The following PPP2R2D variants were observed in gnomAD, a reference collection of about 807,000 sequenced individuals.
PPP2R2D encodes protein phosphatase 2 regulatory subunit Bdelta, also known as serine/threonine-protein phosphatase 2A 55 kDa regulatory subunit B delta isoform.
A neutral mutation model predicts 31.1 loss-of-function variants in PPP2R2D; 9 were observed. The ratio of observed to expected loss-of-function variants is 0.29; its 90% CI spans 0.17 to 0.51. PPP2R2D has a LOEUF of 0.51. Among genes scored for constraint, PPP2R2D ranks in the 20% least tolerant of loss-of-function variants. The pLI is 0.98. For synonymous variants in PPP2R2D, 179 were observed against 172.6 expected, an observed-to-expected ratio of 1.04 and a Z score of -0.29; for missense variants, 391 against 465.6, an observed-to-expected ratio of 0.84 and a Z score of 1.48.
At position 131,939,650 on chromosome 10, in the gene PPP2R2D, C is replaced by A. The variant is rs138589835; in HGVS notation, c.199-381C>A. ...ATACGGCAGGCTGCATTCAGCAGACCTGCTCCAGAAAACACAGCAGGCTAC... is the reference window on the plus strand; with the variant it reads ...ATACGGCAGGCTGCATTCAGCAGACATGCTCCAGAAAACACAGCAGGCTAC... On this transcript the variant is annotated intron_variant, in intron 3 of 8. Transcript: ENST00000455566. 1.6e-3 allele frequency: 251 copies of A among 155,052 alleles called. 16 individuals are homozygous for A. The highest frequency in any genetic ancestry group is 2.6e-3 in the Non-Finnish European group (183 of 70,978). 9.6% of individuals were successfully genotyped at this position (155,052 alleles called of 1,614,324 possible). A position where few individuals can be genotyped will look rare whatever the true frequency, so the allele number is the denominator to read the frequency against.
rs202169560 is a variant in PPP2R2D, at chr10:131,940,072, C to T, written c.240C>T (p.Tyr80=). The change falls in exon 4 of 9, where the codon TAC becomes TAT. Residue 80 remains tyrosine, a synonymous_variant. Coordinates refer to ENST00000455566, the MANE Select transcript of PPP2R2D (RefSeq NM_018461.5). ...RPHSRGEYNV[Y]STFQSHEPEF... is the part of the protein sequence containing the mutation. ...ATTCTAGGGGAGAATATAATGTTTA[C>T]AGCACCTTTCAAAGTCATGAACCGG... 3.9e-4 allele frequency: 306 copies of T among 776,140 alleles called. No homozygotes were observed. The highest frequency in any genetic ancestry group is 6.8e-4 in the Non-Finnish European group (282 of 416,604). The allele number at this position is 776,140 out of a possible 1,614,324, so 48.1% of individuals were successfully genotyped here. A position where few individuals can be genotyped will look rare whatever the true frequency, so the allele number is the denominator to read the frequency against.
In PPP2R2D at chr10:131,958,551, A is replaced by C. The variant is rs1263155720; in HGVS notation, c.*2588A>C. On this transcript the variant is annotated 3_prime_UTR_variant, in exon 9 of 9. Coordinates refer to ENST00000455566, the MANE Select transcript of PPP2R2D (RefSeq NM_018461.5). ...GTGCTGATCCCCCATCCCCCTGTGG[A>C]GATGAAGGGGTATGCTGATCCCCTG... The C allele has an allele frequency of 5.4e-6, 1 of 186,604 alleles. No individual in the cohort carries two copies. The highest frequency in any genetic ancestry group is 2.7e-5 in the African/African-American group (1 of 36,460). The allele number at this position is 186,604 out of a possible 1,614,324, so 11.6% of individuals were successfully genotyped here. A position where few individuals can be genotyped will look rare whatever the true frequency, so the allele number is the denominator to read the frequency against.
At chr10:131,907,202 T>A (rs1024158423) in intron 2 of PPP2R2D, among the ~76,000 whole-genome samples, 33 of 152,256 alleles carry the variant, frequency 2.2e-4, no homozygotes, top group African/African-American at 7.2e-4. Context: ...ATTTATATTT[T>A]TTTTTTGGTC....
chr10:131,938,262 A>G (rs1465402359), intron 3 of PPP2R2D, among the ~76,000 whole-genome samples: 1 of 152,250 alleles, frequency 6.6e-6, no homozygotes, highest in Non-Finnish European at 1.5e-5. Flanking sequence ...AAGTTCGTTT[A>G]GTTCCATTCC....
chr10:131,936,437 C>T (rs1301601655), intron 3 of PPP2R2D, among the ~76,000 whole-genome samples: 1 of 152,104 alleles, frequency 6.6e-6, no homozygotes, highest in Admixed American at 6.5e-5. Flanking sequence ...TGGGCCACCA[C>T]GCCTGGCCAG....
intron 2 of PPP2R2D, among the ~76,000 whole-genome samples, chr10:131,903,864 T>TG (rs1452820710): frequency 1.2e-4 from 19 of 152,314 alleles, no homozygotes; most frequent in African/African-American, 4.6e-4. Context: ...ATCAAGAAGC[T>TG]GGTCATGCCC....
chr10:131,912,323 G>C (rs2035698072), intron 2 of PPP2R2D: 2 of 152,216 alleles, frequency 1.3e-5, no homozygotes, highest in African/African-American at 4.8e-5. Context: ...TGAGTAGCTG[G>C]AACTATAGGC....
At chr10:131,916,410 C>T (rs144849630) in intron 2 of PPP2R2D, among the ~76,000 whole-genome samples, 49 of 151,718 alleles carry the variant, frequency 3.2e-4, no homozygotes, top group Non-Finnish European at 5.9e-4. Context: ...TCATTTTAGC[C>T]GTTCATAAGT....
chr10:131,958,469 C>A lies in PPP2R2D; in HGVS notation c.*2506C>A. On this transcript the variant is annotated 3_prime_UTR_variant, in exon 9 of 9. Transcript: ENST00000455566. Reference sequence around the variant, plus strand: ...GAAGGTGTGTGCTGATCCCCCATCCCCCTGTGGAGATGAAGGGGTATGCTG... The same window carrying A: ...GAAGGTGTGTGCTGATCCCCCATCCACCTGTGGAGATGAAGGGGTATGCTG... 1.0e-5 allele frequency: 2 copies of A among 191,510 alleles called. No individual in the cohort carries two copies. Among genetic ancestry groups the A allele is most frequent in the South Asian group, 1.3e-4 (2 of 14,876 alleles). 11.9% of individuals were successfully genotyped at this position (191,510 alleles called of 1,614,324 possible).
intron 2 of PPP2R2D, among the ~76,000 whole-genome samples, chr10:131,906,735 A>C (rs2119713801): frequency 6.6e-6 from 1 of 151,356 alleles, no homozygotes; most frequent in East Asian, 1.9e-4. Flanking sequence ...AGCCTGGGCA[A>C]CATAGTGAGA....
At chr10:131,925,305 T>G (rs971385712) in intron 2 of PPP2R2D, among the ~76,000 whole-genome samples, 2 of 152,346 alleles carry the variant, frequency 1.3e-5, no homozygotes, top group East Asian at 3.9e-4. Context: ...CTTTGTCAAG[T>G]TGAGGAAGTT....
At chr10:131,967,251 C>G in the PPP2R2D span, 1 of 152,222 alleles carries the variant, frequency 6.6e-6, no homozygotes, top group South Asian at 2.1e-4. Flanking sequence ...TGTGTGCTAA[C>G]TTTGATGGTG....
At chr10:131,916,901 A>G (rs1217384962) in intron 2 of PPP2R2D, among the ~76,000 whole-genome samples, 2 of 151,016 alleles carry the variant, frequency 1.3e-5, no homozygotes, top group African/African-American at 2.4e-5. Flanking sequence ...AGGTGGAATG[A>G]CACAACGTTT....
chr10:131,935,448 C>A (rs1763013848), intron 3 of PPP2R2D, among the ~76,000 whole-genome samples: 1 of 152,206 alleles, frequency 6.6e-6, no homozygotes, highest in African/African-American at 2.4e-5. Flanking sequence ...GGCCCTGGTT[C>A]CCCTCTCTGC....
intron 3 of PPP2R2D, among the ~76,000 whole-genome samples, chr10:131,939,001 G>C (rs1468825258): frequency 6.6e-6 from 1 of 152,268 alleles, no homozygotes; most frequent in African/African-American, 2.4e-5. Flanking sequence ...TACCCAGATG[G>C]TGCAGAAGCA....
rs557997362 is a variant in PPP2R2D at position 131,956,040 on chromosome 10, G to C, written c.*77G>C. On this transcript the variant is annotated 3_prime_UTR_variant, in exon 9 of 9. Transcript: ENST00000455566. ...TTTCTGTCAGAGAAAAGGCATCATT[G>C]TCCGCTCCATTAAGAACAGTGACGC... 4 of 1,359,996 alleles carry C rather than the reference G, an allele frequency of 2.9e-6. No homozygotes were observed. Among genetic ancestry groups the C allele is most frequent in the Non-Finnish European group, 3.8e-6 (4 of 1,049,840 alleles). 84.2% of individuals were successfully genotyped at this position (1,359,996 alleles called of 1,614,324 possible). A position where few individuals can be genotyped will look rare whatever the true frequency, so the allele number is the denominator to read the frequency against.
chr10:131,967,758 T>C, the PPP2R2D span: 3 of 152,562 alleles, frequency 2.0e-5, no homozygotes, highest in Non-Finnish European at 4.4e-5. Flanking sequence ...TTGCTTAGAA[T>C]AAAGCTGATT....
At chr10:131,908,787 C>T (rs1174521783) in intron 2 of PPP2R2D, among the ~76,000 whole-genome samples, 5 of 152,194 alleles carry the variant, frequency 3.3e-5, no homozygotes, top group African/African-American at 9.6e-5. Context: ...TCTTAAGAGA[C>T]CCTCTTGCAT....
At chr10:131,942,611 A>T (rs1323716320) in intron 5 of PPP2R2D, among the ~76,000 whole-genome samples, 1 of 152,166 alleles carries the variant, frequency 6.6e-6, no homozygotes, top group Non-Finnish European at 1.5e-5. Flanking sequence ...TCATACCTGT[A>T]ATCCCAGCAC....
Sources: gnomAD v4.1 joint callset for allele counts (sites outside exome capture counted in the v4.1 genomes callset) on GRCh38, gnomAD v4.1.1 for gene constraint, MANE v1.5 for transcripts, NCBI Gene and HGNC (gene_info 2026-07-23, HGNC 2026-07-21) for gene names.